NEB: variants seen among roughly 807,000 people sequenced by gnomAD.
NEB encodes nemaline myopathy type 2.
In NEB, 512 loss-of-function variants were observed where a neutral mutation model predicts 952.2. The ratio of observed to expected loss-of-function variants is 0.54; its 90% confidence interval spans 0.50 to 0.58. NEB has a LOEUF of 0.58. Ranked by LOEUF, NEB falls within the 20% of genes least tolerant of loss-of-function variation. The probability of loss-of-function intolerance (pLI) is 0.00; values close to 1 mark genes in which losing one functional copy is unlikely to be tolerated. For missense variants in NEB, 8,428 were observed against 9,231.1 expected (o/e 0.91, Z 3.56); for synonymous variants, 2,900 against 3,149.8 (o/e 0.92, Z 2.66).
rs377073737 is a variant in NEB at position 151,707,156 on chromosome 2, G to A, written c.1036-159C>T. 3.0e-4 allele frequency among the ~76,000 whole-genome samples: 46 copies of A among 152,292 alleles called. 1 individual carries two copies. In the South Asian group the frequency reaches 9.1e-3, roughly 30 times the overall value. ...ATACTCATAGTAACTCTTAAAAGCA[G>A]CAGAGAAACTGCATAAATTTCCAGG... On this transcript the variant is annotated intron_variant, in intron 12 of 181. Coordinates refer to ENST00000397345, the MANE Select transcript of NEB (RefSeq NM_001164508.2).
At chr2:151,690,859 G>T (rs1466128744) in intron 23 of NEB, 34 bp from the exon 24 acceptor site, 1 of 1,442,802 alleles carries the variant, frequency 6.9e-7, no homozygotes, top group East Asian at 2.5e-5. Context: ...TGAAATATCA[G>T]TATATTCTTG....
In NEB at chr2:151,640,598, G is replaced by T; in HGVS notation, c.8442C>A (p.Asp2814Glu). 5 of 1,613,904 alleles carry T rather than the reference G, an allele frequency of 3.1e-6. No homozygotes were observed. The highest frequency in any genetic ancestry group is 1.1e-5 in the South Asian group (1 of 91,070). The change falls in exon 61 of 182, where the codon GAC (aspartate) becomes GAA (glutamate). Residue 2814 changes from aspartate to glutamate, a missense_variant. By Grantham distance (45) the Asp-to-Glu change is conservative (BLOSUM62 2). Coordinates refer to ENST00000397345, the MANE Select transcript of NEB (RefSeq NM_001164508.2). ...CGTGCATGGACCACATCATCTTGGG[G>T]TCATCACGTATAGCTCGGGCACCAA... ...HHIGARAIRD[D>E]PKMMWSMHVA... is the part of the protein sequence containing the mutation.
intron 78 of NEB, among the ~76,000 whole-genome samples, 188 bp downstream of exon 78, chr2:151,611,998 A>C (rs1253446016): frequency 1.3e-5 from 2 of 152,200 alleles, no homozygotes; most frequent in East Asian, 3.9e-4. Flanking sequence ...ACATGCACAC[A>C]GAGAATTAGG....
At chr2:151,723,750 GTTTTTTTTTTTTTTTT>G (rs11308757) in intron 8 of NEB, among the ~76,000 whole-genome samples, 2 of 51,364 alleles carry the variant, frequency 3.9e-5, no homozygotes, top group South Asian at 1.0e-3. Context: ...TGCCTTCTTT[GTTTTTTTTTTTTTTTT>G]TTTTTTTTGG....
At chr2:151,683,581 G>T (rs1212975816) in intron 28 of NEB, among the ~76,000 whole-genome samples, 1 of 152,112 alleles carries the variant, frequency 6.6e-6, no homozygotes, top group Non-Finnish European at 1.5e-5. Flanking sequence ...ATAACAAGTA[G>T]AATAACAATG....
Position 151,672,470 on chromosome 2 carries a change from C to A in NEB, c.4198G>T (p.Ala1400Ser). The A allele has an allele frequency of 6.2e-7, 1 of 1,613,970 alleles. No homozygotes were observed. Among genetic ancestry groups the A allele is most frequent in the Non-Finnish European group, 8.5e-7 (1 of 1,179,868 alleles). The change falls in exon 37 of 182, where the codon GCT becomes TCT. Residue 1400 changes from alanine to serine, a missense_variant. Around this residue, in one of 11 missense-constraint regions of NEB, gnomAD observed 2,851 missense variants for 2,791.5 expected, o/e 1.02. Transcript: ENST00000397345. ...ITAAKMAQDV[A>S]TNVNYKQPLH... is the part of the protein sequence containing the mutation. ...GGCTGTTTGTAGTTGACATTGGTAG[C>A]GACATCCTGGGCCATCTTTGCAGCT...
chr2:151,492,367 C>G lies in NEB; in HGVS notation c.24873+20G>C, dbSNP rs368125758. The G allele has an allele frequency of 6.9e-6, 11 of 1,592,854 alleles. No homozygotes were observed. In the African/African-American group the frequency reaches 8.1e-5, roughly 12 times the overall value. ...CATTCTGACAGGCAGCCAGCCAATC[C>G]TAAAGAATTCCTGACTCACCGTTGA... is the stretch of plus-strand genomic sequence containing the variant. On this transcript the variant is annotated intron_variant, in intron 177 of 181. Coordinates refer to ENST00000397345, the MANE Select transcript of NEB (RefSeq NM_001164508.2).
chr2:151,547,654 T>A lies in NEB; in HGVS notation c.20242A>T (p.Thr6748Ser). 1 of 1,613,840 alleles carries A rather than the reference T, an allele frequency of 6.2e-7. No individual in the cohort carries two copies. Among genetic ancestry groups the A allele is most frequent in the Non-Finnish European group, 8.5e-7 (1 of 1,179,792 alleles). Residue 6748 changes from threonine (T) to serine (S), a missense_variant, in exon 132 of 182, where the codon ACA becomes TCA. Thr to Ser is a moderately conservative substitution (Grantham distance 58, BLOSUM62 1). This residue lies in a region of NEB where 3,374 missense variants were observed against 3,651.5 expected (regional missense o/e 0.92). Coordinates refer to ENST00000397345, the MANE Select transcript of NEB (RefSeq NM_001164508.2). ...DTPEIRQVKK[T>S]QEAVSELIYK... ...CCCACCTCACTGACAGCCTCTTGTG[T>A]CTTCTTGACTTGGCGGATCTCAGGG... is the stretch of plus-strand genomic sequence containing the variant.
chr2:151,665,239 A>G lies in NEB; in HGVS notation c.5238+94T>C, dbSNP rs1333676158. 9 of 1,206,710 alleles carry G rather than the reference A, an allele frequency of 7.5e-6. No homozygotes were observed. In the African/African-American group the frequency reaches 1.4e-4, roughly 18 times the overall value. 74.8% of individuals were successfully genotyped at this position (1,206,710 alleles called of 1,614,324 possible). On this transcript the variant is annotated intron_variant, in intron 42 of 181. Transcript: ENST00000397345. ...ACCACCGGCACGAAGACGATCAGAA[A>G]GAAACACTGTAGGAGACGATTGGGG... is the stretch of plus-strand genomic sequence containing the variant.
rs766355387 is a variant in NEB at position 151,627,826 on chromosome 2, G to C, written c.9840C>G (p.Tyr3280Ter). The C allele has an allele frequency of 6.2e-7, 1 of 1,613,210 alleles. No individual in the cohort carries two copies. The highest frequency in any genetic ancestry group is 8.5e-7 in the Non-Finnish European group (1 of 1,179,306). Reference protein sequence around the residue: ...ASRDVISDYKYKDGYRKQLGH... With the variant: ...ASRDVISDYK ...CGAGCTGCTTGCGGTAACCATCTTT[G>C]TATTTGTACTGAAATAAAGGTGGTC... Residue 3280 changes from tyrosine to a stop codon, truncating the protein, a stop_gained, in exon 69 of 182, where the codon TAC becomes TAG. Transcript: ENST00000397345. LOFTEE classifies it high-confidence loss of function.
rs779871563 is a variant in NEB at position 151,519,083 on chromosome 2, G to A, written c.22591-14C>T. ...CTTGTATTTAACCTGTGTGTTATGG[G>A]GGAAGAAAGGAAATCACGTAAATAG... On this transcript the variant is annotated splice_polypyrimidine_tract_variant and intron_variant, in intron 154 of 181. Transcript: ENST00000397345. 4 of 1,520,510 alleles carry A rather than the reference G, an allele frequency of 2.6e-6. No individual in the cohort carries two copies. The Admixed American group carries it at 5.0e-5, about 19-fold the overall frequency. 94.2% of individuals were successfully genotyped at this position (1,520,510 alleles called of 1,614,324 possible).
chr2:151,655,612 A>G (rs546363216), intron 50 of NEB, among the ~76,000 whole-genome samples: 7 of 152,210 alleles, frequency 4.6e-5, no homozygotes, highest in Non-Finnish European at 8.8e-5. Context: ...AATTAAAAAC[A>G]TAAATAATTT....
chr2:151,499,326 ACT>A lies in NEB; in HGVS notation c.24084_24085del (p.Arg8028SerfsTer9). 6.5e-7 allele frequency: 1 copy of A among 1,536,400 alleles called. No individual in the cohort carries two copies. The highest frequency in any genetic ancestry group is 8.8e-7 in the Non-Finnish European group (1 of 1,138,324). ...ACTAAAGTTTTCTTGATTGTGTTTG[ACT>A]CTCTCCATCTCTGGAGTGATGGGGA... On this transcript the variant is annotated frameshift_variant, in exon 169 of 182. Coordinates refer to ENST00000397345, the MANE Select transcript of NEB (RefSeq NM_001164508.2). LOFTEE classifies it high-confidence loss of function.
Position 151,619,677 on chromosome 2 carries a change from GACC to G in NEB, c.10643_10645del (p.Trp3548del). On this transcript the variant is annotated inframe_deletion, in exon 73 of 182. Coordinates refer to ENST00000397345, the MANE Select transcript of NEB (RefSeq NM_001164508.2). ...ACTCTGCACTTTGGCAATGTGGAGG[GACC>G]ACATTATCTTGGGGTCATCGTGTAC... 6.2e-7 allele frequency: 1 copy of G among 1,613,914 alleles called. No homozygotes were observed. The highest frequency in any genetic ancestry group is 8.5e-7 in the Non-Finnish European group (1 of 1,179,828).
chr2:151,710,694 G>A (rs1475510717), intron 10 of NEB, among the ~76,000 whole-genome samples, 156 bp from the exon 11 acceptor site: 2 of 152,120 alleles, frequency 1.3e-5, no homozygotes, highest in Non-Finnish European at 2.9e-5. Context: ...CCAATGTACT[G>A]TCAATTTACC....
At chr2:151,704,235 G>A (rs1408749206) in intron 13 of NEB, among the ~76,000 whole-genome samples, 35 of 66,142 alleles carry the variant, frequency 5.3e-4, no homozygotes, top group East Asian at 3.8e-3. Context: ...CTCCAGCTGC[G>A]TGCTGGGAGA....
chr2:151,662,312 G>C lies in NEB; in HGVS notation c.5793C>G (p.Phe1931Leu). 6.2e-7 allele frequency: 1 copy of C among 1,613,472 alleles called. No homozygotes were observed. The highest frequency in any genetic ancestry group is 8.5e-7 in the Non-Finnish European group (1 of 1,179,594). Residue 1931 changes from phenylalanine (F) to leucine (L), a missense_variant, in exon 46 of 182, where the codon TTC becomes TTG. By Grantham distance (22) the Phe-to-Leu change is conservative. Coordinates refer to ENST00000397345, the MANE Select transcript of NEB (RefSeq NM_001164508.2). ...GAGGGAGCCATCCAATGCCCTTCATGAAGTCAGCATAGTCAGCCTTGTACT... is the reference window on the plus strand; with the variant it reads ...GAGGGAGCCATCCAATGCCCTTCATCAAGTCAGCATAGTCAGCCTTGTACT... Reference protein sequence around the residue: ...DNQYKADYADFMKGIGWLPLG... With the variant: ...DNQYKADYADLMKGIGWLPLG...
In NEB at chr2:151,614,297, C is replaced by A; in HGVS notation, c.11580G>T (p.Lys3860Asn). The change falls in exon 77 of 182, where the codon AAG (lysine) becomes AAT (asparagine). Residue 3860 changes from lysine to asparagine, a missense_variant. Transcript: ENST00000397345. The stretch of plus-strand genomic sequence containing the variant: ...TCACATCACTCTGCAGGTCATAGGC[C>A]TTCCGAGCCTGAATGACGTCATTCT... ...PDQNDVIQAR[K>N]AYDLQSDAIY... 2 of 1,613,772 alleles carry A rather than the reference C, an allele frequency of 1.2e-6. No homozygotes were observed. The highest frequency in any genetic ancestry group is 2.2e-5 in the South Asian group (2 of 91,074).
intron 55 of NEB, 58 bp from the exon 56 acceptor site, chr2:151,644,633 TA>T (rs2098930753): frequency 7.4e-7 from 1 of 1,354,396 alleles, no homozygotes. Flanking sequence ...AAATATAGCA[TA>T]ATGATCAAAT....
Sources: allele counts gnomAD v4.1 joint callset (sites outside exome capture counted in the v4.1 genomes callset), GRCh38; gene constraint gnomAD v4.1.1; regional missense constraint gnomAD v4.1.1; transcripts MANE v1.5; gene names NCBI Gene and HGNC (gene_info 2026-07-23, HGNC 2026-07-21).